Variants in DAPK2 observed in about 807,000 individuals in gnomAD.
The protein encoded by DAPK2 is death-associated protein kinase 2.
A neutral mutation model predicts 44.1 loss-of-function variants in DAPK2; 35 were observed. That is an observed-to-expected ratio of 0.79 (90% CI 0.61 to 1.05). The LOEUF is 1.05. DAPK2 is among the 50% of genes least tolerant of loss of function. DAPK2 has a pLI of 0.00. For synonymous variants in DAPK2, 174 were observed against 182.6 expected (o/e 0.95, Z 0.38); for missense variants, 453 against 483.2 (o/e 0.94, Z 0.59).
At chr15:63,946,725 G>A (rs2077458482) in intron 3 of DAPK2, among the ~76,000 whole-genome samples, 1 of 152,176 alleles carries the variant, frequency 6.6e-6, no homozygotes, top group South Asian at 2.1e-4. Context: ...CCAGCCCAGT[G>A]CCCTCTCCAG....
chr15:63,985,372 T>C (rs1369085724), intron 1 of DAPK2, among the ~76,000 whole-genome samples: 1 of 152,182 alleles, frequency 6.6e-6, no homozygotes, highest in Non-Finnish European at 1.5e-5. Context: ...CTCTAACACA[T>C]ATGGTCTCTT....
intron 4 of DAPK2, among the ~76,000 whole-genome samples, chr15:63,937,447 C>T (rs924830540): frequency 2.0e-5 from 3 of 152,212 alleles, no homozygotes; most frequent in African/African-American, 7.2e-5. Context: ...CACTAACAGT[C>T]TAGTGTGAAC....
Position 63,966,315 on chromosome 15 carries a change from G to A in DAPK2, c.453+5108C>T. On this transcript the variant is annotated intron_variant, in intron 3 of 10. Coordinates refer to ENST00000261891, the Ensembl canonical transcript of DAPK2. The surrounding 1 kb of genome is among the most constrained non-coding windows in gnomAD (Gnocchi z 5.5). ...GCTGGTATCCAAATTGCAAGATGAAGTCCTCTTCACTTTTCCCTCTTTTCT... is the reference window on the plus strand; with the variant it reads ...GCTGGTATCCAAATTGCAAGATGAAATCCTCTTCACTTTTCCCTCTTTTCT... Among the ~76,000 whole-genome samples the A allele has an allele frequency of 6.6e-6, 1 of 152,318 alleles. No individual in the cohort carries two copies. The highest frequency in any genetic ancestry group is 6.5e-5 in the Admixed American group (1 of 15,306).
At chr15:63,927,074 G>A (rs1213576790) in intron 6 of DAPK2, among the ~76,000 whole-genome samples, 1 of 152,170 alleles carries the variant, frequency 6.6e-6, no homozygotes. Context: ...CCCTTGTGTA[G>A]TTTCCTCATC....
intron 1 of DAPK2, chr15:63,991,479 C>G (rs905755293): frequency 2.7e-6 from 1 of 366,694 alleles, no homozygotes; most frequent in Non-Finnish European, 5.4e-6. Context: ...AGTTCCTTGA[C>G]GATGGCTTTG....
intron 3 of DAPK2, among the ~76,000 whole-genome samples, chr15:63,952,045 G>T (rs140854850): frequency 0.035 from 5,310 of 152,218 alleles, 110 homozygotes; most frequent in South Asian, 0.091. Flanking sequence ...TTCGAGACCA[G>T]CCTGGCCAAC....
At chr15:63,983,896 T>G in intron 1 of DAPK2, 142 bp from the exon 3 acceptor site, 3 of 769,708 alleles carry the variant, frequency 3.9e-6, no homozygotes, top group Non-Finnish European at 4.3e-6. Flanking sequence ...CATCCCCACC[T>G]GATGACAACC....
At chr15:63,926,466 C>A (rs1157978994) in intron 6 of DAPK2, among the ~76,000 whole-genome samples, 2 of 151,962 alleles carry the variant, frequency 1.3e-5, no homozygotes, top group Non-Finnish European at 2.9e-5. Context: ...CACGGTGGCA[C>A]AGATATTTGC....
chr15:63,943,229 G>A (rs1469181456), intron 3 of DAPK2, among the ~76,000 whole-genome samples: 2 of 151,808 alleles, frequency 1.3e-5, no homozygotes, highest in Admixed American at 1.3e-4. Context: ...TTCAAGACCA[G>A]CCAGGGCAAC....
At chr15:63,932,355 C>T (rs1014919297) in intron 4 of DAPK2, among the ~76,000 whole-genome samples, 2 of 150,786 alleles carry the variant, frequency 1.3e-5, no homozygotes. Context: ...ATCCCAGCTA[C>T]TCAGGAGGCT....
At chr15:63,962,936 C>T (rs895073399) in intron 3 of DAPK2, among the ~76,000 whole-genome samples, 2 of 152,234 alleles carry the variant, frequency 1.3e-5, no homozygotes, top group African/African-American at 2.4e-5. Context: ...TCAGCTATGC[C>T]GTGCCCCCAG....
intron 8 of DAPK2, chr15:63,922,790 G>C: frequency 6.5e-7 from 1 of 1,535,630 alleles, no homozygotes. Flanking sequence ...GAGCAGCTCT[G>C]ACAGGGATTC....
intron 3 of DAPK2, among the ~76,000 whole-genome samples, chr15:63,962,769 G>T (rs11855225): frequency 1.3e-5 from 2 of 152,222 alleles, no homozygotes; most frequent in African/African-American, 2.4e-5. Context: ...CTATTGGGAG[G>T]TGTCTCCCAG....
intron 1 of DAPK2, among the ~76,000 whole-genome samples, chr15:64,045,760 A>G (rs2080447393): frequency 6.6e-6 from 1 of 152,078 alleles, no homozygotes; most frequent in South Asian, 2.1e-4. Context: ...TTCCACCCCA[A>G]CCTGCAGCAC....
chr15:63,964,075 C>G (rs976500824), intron 3 of DAPK2, among the ~76,000 whole-genome samples: 1 of 152,190 alleles, frequency 6.6e-6, no homozygotes, highest in African/African-American at 2.4e-5. Context: ...TCTTATTGCT[C>G]ATTAATGTCC....
At position 63,994,335 on chromosome 15, in the gene DAPK2, C is replaced by T. The variant is rs1434111168; in HGVS notation, c.93-10581G>A. Among the ~76,000 whole-genome samples, 9 of 152,050 alleles carry T rather than the reference C, an allele frequency of 5.9e-5. No homozygotes were observed. In the East Asian group the frequency reaches 1.7e-3, roughly 29 times the overall value. On this transcript the variant is annotated intron_variant, in intron 1 of 10. Transcript: ENST00000261891. ...GGCTGGCCCCCAGTGCAGCAGGAAC[C>T]CTTCATTGGCAGACTCACTTACAAA...
At chr15:63,945,749 G>A (rs2077432630) in intron 3 of DAPK2, among the ~76,000 whole-genome samples, 1 of 152,206 alleles carries the variant, frequency 6.6e-6, no homozygotes, top group East Asian at 1.9e-4. Flanking sequence ...TCAGGCAGTG[G>A]ATGGCATCCA....
intron 2 of DAPK2, 125 bp downstream of exon 3, chr15:63,983,408 T>G (rs1339949660): frequency 2.5e-6 from 2 of 794,990 alleles, no homozygotes; most frequent in African/African-American, 3.4e-5. Flanking sequence ...ACCACTGACT[T>G]CACCTCCTCT....
At chr15:63,977,793 T>G (rs1328964189) in intron 2 of DAPK2, among the ~76,000 whole-genome samples, 2 of 152,210 alleles carry the variant, frequency 1.3e-5, no homozygotes, top group African/African-American at 2.4e-5. Context: ...GCAAGTGACT[T>G]GCCCAAGATC....
Sources: gnomAD v4.1 joint callset for allele counts (sites outside exome capture counted in the v4.1 genomes callset) on GRCh38, gnomAD v4.1.1 for gene constraint, Gnocchi (gnomAD v3.1) non-coding constraint, MANE v1.5 for transcripts, NCBI Gene and HGNC (gene_info 2026-07-23, HGNC 2026-07-21) for gene names.